The following EMSY variants were observed in gnomAD, a reference collection of about 807,000 sequenced individuals.
EMSY encodes BRCA2-interacting transcriptional repressor EMSY.
A neutral mutation model predicts 134.6 loss-of-function variants in EMSY; 26 were observed. That is an observed-to-expected ratio of 0.19 (90% CI 0.14 to 0.27). The LOEUF (loss-of-function observed/expected upper bound fraction) is 0.27, where lower values mean the gene tolerates loss of function less well. Ranked by LOEUF, EMSY falls within the 10% of genes least tolerant of loss-of-function variation. The pLI is 1.00. For synonymous variants in EMSY, 579 were observed against 577.8 expected (o/e 1.00, Z -0.03); for missense variants, 1,305 against 1,611.4 (o/e 0.81, Z 3.26).
At chr11:76,539,544 T>C (rs951581732) in intron 16 of EMSY, 55 bp from the exon 18 acceptor site, 1 of 1,570,002 alleles carries the variant, frequency 6.4e-7, no homozygotes. Context: ...GACTAGATTC[T>C]TGCATGGTGA....
chr11:76,528,131 A>C, intron 13 of EMSY, 137 bp from the exon 15 acceptor site: 3 of 715,782 alleles, frequency 4.2e-6, no homozygotes, highest in Non-Finnish European at 7.0e-6. Context: ...CCCTTTGATG[A>C]GCAATGCTGT....
chr11:76,460,079 G>A (rs1170968279), exon 6 of EMSY: 2 of 1,614,176 alleles, frequency 1.2e-6, no homozygotes, highest in Non-Finnish European at 8.5e-7. Flanking sequence ...TACTGTTTAT[G>A]TCAAAAGTAA....
chr11:76,445,798 G>A (rs1432261173), intron 1 of EMSY, among the ~76,000 whole-genome samples: 3 of 152,152 alleles, frequency 2.0e-5, no homozygotes, highest in South Asian at 4.1e-4. Context: ...CTGGCTTGTG[G>A]AGGGAGAGGA....
chr11:76,462,134 G>A (rs189601857), intron 6 of EMSY, among the ~76,000 whole-genome samples: 246 of 152,226 alleles, frequency 1.6e-3, no homozygotes, highest in Non-Finnish European at 1.9e-3. Context: ...AGCTACTTGG[G>A]AGGCTGAGGC....
At chr11:76,485,820 A>C (rs1172344530) in intron 8 of EMSY, among the ~76,000 whole-genome samples, 1 of 152,234 alleles carries the variant, frequency 6.6e-6, no homozygotes, top group African/African-American at 2.4e-5. Flanking sequence ...AAATTAGTTC[A>C]ATGATTGTGG....
chr11:76,523,704 C>CTTTTTTTTGTTTTTTTTTTTTT (rs1950731959), intron 12 of EMSY, among the ~76,000 whole-genome samples: 1 of 80,536 alleles, frequency 1.2e-5, no homozygotes, highest in Non-Finnish European at 2.3e-5. Context: ...TTGTTACTTT[C>CTTTTTTTTGTTTTTTTTTTTTT]TTTTTTTTTT....
intron 9 of EMSY, among the ~76,000 whole-genome samples, chr11:76,506,112 C>T (rs1442674313): frequency 1.3e-5 from 2 of 151,894 alleles, no homozygotes; most frequent in Non-Finnish European, 2.9e-5. Context: ...AGAGCGAGAC[C>T]TTGTCTCTAA....
chr11:76,546,506 A>T (rs2136843782), intron 20 of EMSY, among the ~76,000 whole-genome samples: 1 of 152,330 alleles, frequency 6.6e-6, no homozygotes, highest in Non-Finnish European at 1.5e-5. Flanking sequence ...CAGAAAATTG[A>T]TGGACATTGT....
chr11:76,534,743 C>G (rs879343394), intron 14 of EMSY, among the ~76,000 whole-genome samples: 30 of 152,044 alleles, frequency 2.0e-4, no homozygotes, highest in Admixed American at 3.3e-4. Context: ...TTCTGTTTGT[C>G]TTGTTTGCCC....
intron 8 of EMSY, among the ~76,000 whole-genome samples, chr11:76,479,609 A>G (rs1948893063): frequency 6.6e-6 from 1 of 152,246 alleles, no homozygotes; most frequent in East Asian, 1.9e-4. Flanking sequence ...AATAGTGACA[A>G]GGACACAAAG....
chr11:76,481,337 C>T (rs974994561), intron 8 of EMSY, among the ~76,000 whole-genome samples: 1 of 152,154 alleles, frequency 6.6e-6, no homozygotes, highest in African/African-American at 2.4e-5. Context: ...GCCACCACGC[C>T]CGGCCAGGAG....
chr11:76,494,220 A>G (rs1949538674), intron 8 of EMSY, among the ~76,000 whole-genome samples: 1 of 152,212 alleles, frequency 6.6e-6, no homozygotes, highest in African/African-American at 2.4e-5. Context: ...GCCTGCAGGG[A>G]CAAGTGGACA....
At chr11:76,547,518 A>G (rs1321713245) in intron 20 of EMSY, among the ~76,000 whole-genome samples, 2 of 152,202 alleles carry the variant, frequency 1.3e-5, no homozygotes, top group African/African-American at 2.4e-5. Context: ...CATTCATTGT[A>G]TGATTTTGGG....
chr11:76,498,502 A>T (rs1057354190), intron 9 of EMSY, among the ~76,000 whole-genome samples: 3 of 152,090 alleles, frequency 2.0e-5, no homozygotes, highest in African/African-American at 7.2e-5. Flanking sequence ...TTATATTTTG[A>T]TATATCTATT....
At chr11:76,535,750 GGCTTATAGTCTTCTTGGGGAGATAAA>G in intron 14 of EMSY, 119 bp from the exon 16 acceptor site, 1 of 558,356 alleles carries the variant, frequency 1.8e-6, no homozygotes, top group Non-Finnish European at 2.8e-6. Flanking sequence ...GCCTTCTAGG[GGCTTATAGTCTTCTTGGGGAGATAAA>G]GCATGAAGTT....
At position 76,529,642 on chromosome 11, in the gene EMSY, A is replaced by G. The variant is rs183058762; in HGVS notation, c.2194+1176A>G. Among the ~76,000 whole-genome samples, 31 of 152,190 alleles carry G rather than the reference A, an allele frequency of 2.0e-4. No individual in the cohort carries two copies. In the East Asian group the frequency reaches 5.6e-3, roughly 27 times the overall value. Reference sequence around the variant, plus strand: ...GTAGCAAACAAAAAAAATGCCAAAGACTGAAAGTTGACATGCCAGTGAGGA... The same window carrying G: ...GTAGCAAACAAAAAAAATGCCAAAGGCTGAAAGTTGACATGCCAGTGAGGA... On this transcript the variant is annotated intron_variant, in intron 14 of 20. Coordinates refer to ENST00000334736, the Ensembl canonical transcript of EMSY.
chr11:76,507,853 CTTTTTCTTTTTCTTTTTTTTT>C (rs1490153533), intron 9 of EMSY, among the ~76,000 whole-genome samples: 107 of 115,462 alleles, frequency 9.3e-4, no homozygotes, highest in African/African-American at 3.2e-3. Context: ...TTTTCTTTTT[CTTTTTCTTTTTCTTTTTTTTT>C]TTTTTCTTTT....
intron 2 of EMSY, among the ~76,000 whole-genome samples, chr11:76,447,568 A>G (rs1947470064): frequency 6.6e-6 from 1 of 152,238 alleles, no homozygotes; most frequent in Non-Finnish European, 1.5e-5. Context: ...AACACATTTT[A>G]TGCTTGTAAT....
At chr11:76,517,907 T>C (rs1421736685) in intron 11 of EMSY, among the ~76,000 whole-genome samples, 1 of 152,208 alleles carries the variant, frequency 6.6e-6, no homozygotes, top group Non-Finnish European at 1.5e-5. Flanking sequence ...TTGACACTTT[T>C]ATTCCAAAGA....
Sources: gnomAD v4.1 joint callset for allele counts (sites outside exome capture counted in the v4.1 genomes callset) on GRCh38, gnomAD v4.1.1 for gene constraint, MANE v1.5 for transcripts, NCBI Gene and HGNC (gene_info 2026-07-23, HGNC 2026-07-21) for gene names.